DENND5A: variants seen among roughly 807,000 people sequenced by gnomAD.
DENND5A encodes DENN domain-containing protein 5A.
In DENND5A, 64 loss-of-function variants were observed where a neutral mutation model predicts 140.3. That is an observed-to-expected ratio of 0.46 (90% CI 0.37 to 0.56). The LOEUF (loss-of-function observed/expected upper bound fraction) is 0.56. DENND5A is among the 20% of genes least tolerant of loss of function. The pLI, the probability that DENND5A is intolerant of heterozygous loss-of-function variation, is 0.00. For missense variants in DENND5A, 1,292 were observed against 1,593.8 expected (o/e 0.81, Z 3.22); for synonymous variants, 605 against 607.7 (o/e 1.00, Z 0.07).
chr11:9,229,051 G>A (rs577192103), intron 1 of DENND5A, among the ~76,000 whole-genome samples: 2 of 152,334 alleles, frequency 1.3e-5, no homozygotes, highest in Non-Finnish European at 2.9e-5. Context: ...GGCATCTGAA[G>A]TGGGGACAGT....
Position 9,248,986 on chromosome 11 carries a change from C to T in DENND5A, c.109+15975G>A, listed in dbSNP as rs533329461. Among the ~76,000 whole-genome samples the T allele has an allele frequency of 2.6e-5, 4 of 152,054 alleles. No individual in the cohort carries two copies. The East Asian group carries it at 7.7e-4, about 29-fold the overall frequency. On this transcript the variant is annotated intron_variant, in intron 1 of 22. Transcript: ENST00000328194. ...GGCGCGGTGGCTCACACCTGTAATCCCAGCACTTAGGTGGGCGGATCACGA... is the reference window on the plus strand; with the variant it reads ...GGCGCGGTGGCTCACACCTGTAATCTCAGCACTTAGGTGGGCGGATCACGA...
Position 9,164,194 on chromosome 11 carries a change from A to ATTTTT in DENND5A, c.2283+1637_2283+1641dup, listed in dbSNP as rs779522112. Among the ~76,000 whole-genome samples the ATTTTT allele has an allele frequency of 1.4e-4, 11 of 79,068 alleles. 1 individual carries two copies. The highest frequency in any genetic ancestry group is 1.9e-4 in the African/African-American group (4 of 20,648). The allele number at this position is 79,068 out of a possible 152,430, so 51.9% of individuals were successfully genotyped here. A position where few individuals can be genotyped will look rare whatever the true frequency, so the allele number is the denominator to read the frequency against. On this transcript the variant is annotated intron_variant, in intron 11 of 22. Transcript: ENST00000328194. ...CTAAAGGTGTGCACCACCACGCCTA[A>ATTTTT]TTTTTTTTTTTTTTTTTTTTTTTTT...
chr11:9,177,615 C>A (rs2136170783), intron 8 of DENND5A, among the ~76,000 whole-genome samples: 1 of 151,840 alleles, frequency 6.6e-6, no homozygotes, highest in South Asian at 2.1e-4. Context: ...ATGTTCACAC[C>A]ACTGCATTTT....
chr11:9,140,159 CCA>C, intron 22 of DENND5A: 1 of 1,410,310 alleles, frequency 7.1e-7, no homozygotes, highest in Non-Finnish European at 9.4e-7. Context: ...CCCACAGCTA[CCA>C]CCACCAGGAA....
At chr11:9,146,870 C>T in intron 16 of DENND5A, 160 bp downstream of exon 16, 1 of 759,174 alleles carries the variant, frequency 1.3e-6, no homozygotes, top group Non-Finnish European at 2.1e-6. Flanking sequence ...AACACAGCCT[C>T]CAAGGAGGGC....
At chr11:9,244,375 A>G (rs1224514203) in intron 1 of DENND5A, among the ~76,000 whole-genome samples, 3 of 151,370 alleles carry the variant, frequency 2.0e-5, no homozygotes, top group Non-Finnish European at 4.4e-5. Context: ...ATTTATTTTT[A>G]TTTATTTTTT....
At chr11:9,186,909 C>T (rs1361937224) in intron 5 of DENND5A, among the ~76,000 whole-genome samples, 6 of 151,968 alleles carry the variant, frequency 3.9e-5, no homozygotes, top group African/African-American at 1.5e-4. Flanking sequence ...GGTGAAACCC[C>T]GTCTCTACTA....
chr11:9,221,237 C>A (rs555120880), intron 1 of DENND5A, among the ~76,000 whole-genome samples: 123 of 151,236 alleles, frequency 8.1e-4, no homozygotes, highest in Non-Finnish European at 1.3e-3. Flanking sequence ...TCAAGACCAG[C>A]CTGGCCAACA....
At chr11:9,186,542 T>C (rs1467434741) in intron 5 of DENND5A, among the ~76,000 whole-genome samples, 3 of 152,238 alleles carry the variant, frequency 2.0e-5, no homozygotes, top group African/African-American at 7.2e-5. Flanking sequence ...CTACATCTAC[T>C]AAACAATGCT....
chr11:9,263,848 CAAAAAAAA>C (rs57967676), intron 1 of DENND5A, among the ~76,000 whole-genome samples: 5 of 65,070 alleles, frequency 7.7e-5, no homozygotes, highest in Non-Finnish European at 1.4e-4. Flanking sequence ...GACTCCGTCT[CAAAAAAAA>C]AAAAAAAAAA....
intron 1 of DENND5A, among the ~76,000 whole-genome samples, chr11:9,218,002 C>A (rs1850162130): frequency 6.6e-6 from 1 of 152,202 alleles, no homozygotes; most frequent in Admixed American, 6.5e-5. Context: ...GTGGCTCATG[C>A]CTGTAATCTC....
intron 5 of DENND5A, among the ~76,000 whole-genome samples, chr11:9,190,792 G>A (rs891970549): frequency 6.6e-6 from 1 of 152,008 alleles, no homozygotes; most frequent in Non-Finnish European, 1.5e-5. Flanking sequence ...TAATTTTATT[G>A]TTTATGCTTT....
intron 1 of DENND5A, among the ~76,000 whole-genome samples, chr11:9,224,922 T>G (rs1156498549): frequency 6.6e-6 from 1 of 151,930 alleles, no homozygotes; most frequent in Non-Finnish European, 1.5e-5. Flanking sequence ...CAAGTTCTTC[T>G]GGAAATTTTC....
At chr11:9,212,288 G>A (rs1188368617) in intron 1 of DENND5A, among the ~76,000 whole-genome samples, 2 of 152,040 alleles carry the variant, frequency 1.3e-5, no homozygotes, top group East Asian at 1.9e-4. Context: ...GATGTGTGGG[G>A]CAACAAGTCT....
chr11:9,181,817 G>A (rs1176174017), intron 5 of DENND5A, among the ~76,000 whole-genome samples: 1 of 152,132 alleles, frequency 6.6e-6, no homozygotes, highest in Non-Finnish European at 1.5e-5. Flanking sequence ...AGTTCAAAAA[G>A]TCTAGGTTCC....
chr11:9,227,855 C>G (rs1191432708), intron 1 of DENND5A, among the ~76,000 whole-genome samples: 1 of 151,764 alleles, frequency 6.6e-6, no homozygotes, highest in African/African-American at 2.4e-5. Context: ...GCTTGTAAAT[C>G]CCAGCACTTT....
chr11:9,244,330 A>C (rs2136278567), intron 1 of DENND5A, among the ~76,000 whole-genome samples: 1 of 152,262 alleles, frequency 6.6e-6, no homozygotes, highest in East Asian at 1.9e-4. Context: ...CTCCCTTGTT[A>C]ATGGGATTAA....
At chr11:9,208,973 C>A (rs562015238) in intron 1 of DENND5A, among the ~76,000 whole-genome samples, 1 of 152,212 alleles carries the variant, frequency 6.6e-6, no homozygotes, top group East Asian at 1.9e-4. Context: ...AATTAAGCAG[C>A]AAGCCGCTGA....
intron 16 of DENND5A, 123 bp from the exon 17 acceptor site, chr11:9,145,938 G>A: frequency 9.3e-7 from 1 of 1,072,138 alleles, no homozygotes; most frequent in Non-Finnish European, 1.4e-6. Flanking sequence ...AGCTCAAGCA[G>A]AGCCCTGGAA....
Sources: allele counts gnomAD v4.1 joint callset (sites outside exome capture counted in the v4.1 genomes callset), GRCh38; gene constraint gnomAD v4.1.1; transcripts MANE v1.5; gene names NCBI Gene and HGNC (gene_info 2026-07-23, HGNC 2026-07-21).